BMP8A: variants seen among roughly 807,000 people sequenced by gnomAD.
The protein encoded by BMP8A is bone morphogenetic protein 8a.
BMP8A carries 14 observed loss-of-function variants against 36.8 expected under a neutral mutation model. That is an observed-to-expected ratio of 0.38 (90% CI 0.25 to 0.60). The LOEUF (loss-of-function observed/expected upper bound fraction) is 0.60, where lower values mean the gene tolerates loss of function less well. Among genes scored for constraint, BMP8A ranks in the 20% least tolerant of loss-of-function variants. The pLI, the probability that BMP8A is intolerant of heterozygous loss-of-function variation, is 0.63. For synonymous variants in BMP8A, 120 were observed against 237.7 expected, an observed-to-expected ratio of 0.50 and a Z score of 4.55; for missense variants, 267 against 551.1, an observed-to-expected ratio of 0.48 and a Z score of 5.16.
rs551012342 is a variant in BMP8A at position 39,529,749 on chromosome 1, A to G, written c.*3951A>G. 6.6e-6 allele frequency among the ~76,000 whole-genome samples: 1 copy of G among 152,342 alleles called. No homozygotes were observed. The highest frequency in any genetic ancestry group is 6.5e-5 in the Admixed American group (1 of 15,296). On this transcript the variant is annotated 3_prime_UTR_variant, in exon 7 of 7. Coordinates refer to ENST00000331593, the MANE Select transcript of BMP8A (RefSeq NM_181809.4). ...CATATACATTTGTCTTTCTTTATAT[A>G]TGACATATGGATATTTTACAAAGTT...
rs1645160872 is a variant in BMP8A at position 39,491,885 on chromosome 1, C to A, written c.-107C>A. 3 of 957,462 alleles carry A rather than the reference C, an allele frequency of 3.1e-6. No homozygotes were observed. The African/African-American group carries it at 5.3e-5, about 17-fold the overall frequency. 59.3% of individuals were successfully genotyped at this position (957,462 alleles called of 1,614,324 possible). On this transcript the variant is annotated 5_prime_UTR_variant, in exon 1 of 7. Coordinates refer to ENST00000331593, the MANE Select transcript of BMP8A (RefSeq NM_181809.4). Reference sequence around the variant, plus strand: ...GGCCGCAGACGCCGCCCGCCGAGCCCCGCCCCCTGCTCGCCGAACTCAGCT... The same window carrying A: ...GGCCGCAGACGCCGCCCGCCGAGCCACGCCCCCTGCTCGCCGAACTCAGCT...
rs1557698450 is a variant in BMP8A, at chr1:39,528,468, C to A, written c.*2670C>A. Among the ~76,000 whole-genome samples, 1 of 152,192 alleles carries A rather than the reference C, an allele frequency of 6.6e-6. No homozygotes were observed. The highest frequency in any genetic ancestry group is 1.5e-5 in the Non-Finnish European group (1 of 68,034). The stretch of plus-strand genomic sequence containing the variant: ...CAACAAGTAGCCACTGACAGGGAGT[C>A]TGGGGCCATTTGGTGCAGAACAACC... On this transcript the variant is annotated 3_prime_UTR_variant, in exon 7 of 7. Coordinates refer to ENST00000331593, the MANE Select transcript of BMP8A (RefSeq NM_181809.4).
chr1:39,509,706 C>T (rs1645336339), intron 1 of BMP8A, among the ~76,000 whole-genome samples: 1 of 152,334 alleles, frequency 6.6e-6, no homozygotes, highest in Middle Eastern at 3.4e-3. Flanking sequence ...CGCCTCGGCC[C>T]GCACAGCCTG....
At position 39,526,110 on chromosome 1, in the gene BMP8A, G is replaced by A. The variant is rs542608740; in HGVS notation, c.*312G>A. 4.6e-5 allele frequency among the ~76,000 whole-genome samples: 7 copies of A among 152,262 alleles called. No individual in the cohort carries two copies. Among genetic ancestry groups the A allele is most frequent in the Middle Eastern group, 3.4e-3 (1 of 292 alleles). The stretch of plus-strand genomic sequence containing the variant: ...GACCTGTCAGACTGTGGCTGGCCCC[G>A]GATGGTCTGAGGTTGGCTGACCCGA... On this transcript the variant is annotated 3_prime_UTR_variant, in exon 7 of 7. Transcript: ENST00000331593.
At chr1:39,502,012 G>T (rs1307020245) in intron 1 of BMP8A, among the ~76,000 whole-genome samples, 2 of 151,822 alleles carry the variant, frequency 1.3e-5, no homozygotes, top group African/African-American at 2.4e-5. Context: ...GGCCAAGGCG[G>T]GTGGATCATG....
rs532376246 is a variant in BMP8A, at chr1:39,492,247, G to A, written c.256G>A (p.Gly86Ser). The change falls in exon 1 of 7, where the codon GGC becomes AGC. Residue 86 changes from glycine (G) to serine (S), a missense_variant. Physicochemically the swap from Gly to Ser is moderately conservative, Grantham distance 56. Transcript: ENST00000331593. ...GCTGGACCTGTACCACGCCATGGCT[G>A]GCGACGACGACGAGGACGGCGCGCC... ...FMLDLYHAMAGDDDEDGAPAE... is the reference protein window; with the variant it reads ...FMLDLYHAMASDDDEDGAPAE... 5.5e-4 allele frequency: 862 copies of A among 1,559,468 alleles called. 11 individuals carry two copies. In the South Asian group the frequency reaches 7.4e-3, roughly 13 times the overall value.
chr1:39,505,210 G>A lies in BMP8A; in HGVS notation c.335-5964G>A, dbSNP rs558328230. 2.6e-5 allele frequency among the ~76,000 whole-genome samples: 4 copies of A among 152,172 alleles called. No homozygotes were observed. In the East Asian group the frequency reaches 7.7e-4, roughly 29 times the overall value. On this transcript the variant is annotated intron_variant, in intron 1 of 6. Transcript: ENST00000331593. Reference sequence around the variant, plus strand: ...GGTCAGGTCTTTCCCTTTCCATGAGGCCATATCTCAGGCTGTCTCAGTGCG... The same window carrying A: ...GGTCAGGTCTTTCCCTTTCCATGAGACCATATCTCAGGCTGTCTCAGTGCG...
rs572316217 is a variant in BMP8A at position 39,491,915 on chromosome 1, G to A, written c.-77G>A. The A allele has an allele frequency of 1.3e-5, 13 of 1,037,448 alleles. No individual in the cohort carries two copies. The South Asian group carries it at 5.9e-4, about 47-fold the overall frequency. 64.3% of individuals were successfully genotyped at this position (1,037,448 alleles called of 1,614,324 possible). A position where few individuals can be genotyped will look rare whatever the true frequency, so the allele number is the denominator to read the frequency against. On this transcript the variant is annotated 5_prime_UTR_variant, in exon 1 of 7. Coordinates refer to ENST00000331593, the MANE Select transcript of BMP8A (RefSeq NM_181809.4). ...CCCTGCTCGCCGAACTCAGCTCCCC[G>A]TTCGCCGTCGGGGCGTCCCCGGGCC...
intron 1 of BMP8A, among the ~76,000 whole-genome samples, chr1:39,492,768 C>T (rs1307578771): frequency 6.6e-6 from 1 of 152,182 alleles, no homozygotes; most frequent in Non-Finnish European, 1.5e-5. Flanking sequence ...AGAGCTGAGT[C>T]GCGTGCCCTG....
intron 1 of BMP8A, among the ~76,000 whole-genome samples, chr1:39,497,761 G>A (rs995880524): frequency 1.9e-4 from 29 of 151,570 alleles, no homozygotes; most frequent in African/African-American, 3.2e-4. Context: ...CCCCCACCCC[G>A]TGGCAGGAAG....
chr1:39,515,780 T>C, intron 3 of BMP8A: 2 of 1,591,984 alleles, frequency 1.3e-6, no homozygotes, highest in Admixed American at 3.4e-5. Flanking sequence ...AATTGAGCGC[T>C]TAACGATCCG....
chr1:39,509,735 CTG>C (rs1433778046), intron 1 of BMP8A, among the ~76,000 whole-genome samples: 5 of 152,180 alleles, frequency 3.3e-5, no homozygotes. Context: ...CCAAACCTGA[CTG>C]TGGTCACTGA....
intron 3 of BMP8A, chr1:39,514,879 G>A (rs1323348150): frequency 1.5e-5 from 20 of 1,373,346 alleles, no homozygotes; most frequent in Middle Eastern, 2.7e-4. Flanking sequence ...GCGGGCGCCC[G>A]CCCTGCTCTG....
At chr1:39,525,512 ATTC>A (rs1310521019) in intron 6 of BMP8A, 134 bp from the exon 7 acceptor site, 15 of 1,225,656 alleles carry the variant, frequency 1.2e-5, no homozygotes, top group Non-Finnish European at 1.4e-5. Flanking sequence ...CCTGTTAATA[ATTC>A]TTATTATTGT....
At chr1:39,510,960 T>C (rs1209032092) in intron 1 of BMP8A, among the ~76,000 whole-genome samples, 2 of 152,092 alleles carry the variant, frequency 1.3e-5, no homozygotes, top group Non-Finnish European at 2.9e-5. Flanking sequence ...GGGCTCAGGG[T>C]GAGCCTGGCT....
At chr1:39,509,330 C>T (rs1005442884) in intron 1 of BMP8A, among the ~76,000 whole-genome samples, 5 of 152,180 alleles carry the variant, frequency 3.3e-5, no homozygotes, top group Non-Finnish European at 7.3e-5. Context: ...AGTTCCTGAA[C>T]CCACTGAAAT....
chr1:39,499,105 G>A (rs945258608), intron 1 of BMP8A, among the ~76,000 whole-genome samples: 4 of 152,236 alleles, frequency 2.6e-5, no homozygotes, highest in Admixed American at 1.3e-4. Flanking sequence ...CCAAGGGCTC[G>A]CTGTCCAGAG....
At chr1:39,525,439 C>T (rs1286497798) in intron 6 of BMP8A, among the ~76,000 whole-genome samples, 2 of 152,134 alleles carry the variant, frequency 1.3e-5, no homozygotes, top group Non-Finnish European at 2.9e-5. Context: ...GCCATGTATC[C>T]CTCCCTGGGC....
At chr1:39,515,793 A>G in intron 3 of BMP8A, 3 of 1,591,186 alleles carry the variant, frequency 1.9e-6, no homozygotes, top group East Asian at 2.2e-5. Context: ...ACGATCCGGA[A>G]AGAGGAAGAT....
Sources: gnomAD v4.1 joint callset for allele counts (sites outside exome capture counted in the v4.1 genomes callset) on GRCh38, gnomAD v4.1.1 for gene constraint, MANE v1.5 for transcripts, NCBI Gene and HGNC (gene_info 2026-07-23, HGNC 2026-07-21) for gene names.